IPP: variants seen among roughly 807,000 people sequenced by gnomAD.
The protein encoded by IPP is intracisternal A particle-promoted polypeptide, also known as actin-binding protein IPP.
IPP carries 41 observed loss-of-function variants against 64.1 expected under a neutral mutation model. The observed-to-expected ratio is 0.64, with a 90% CI of 0.50 to 0.83. The LOEUF (loss-of-function observed/expected upper bound fraction) is 0.83. Ranked by LOEUF, IPP falls within the 40% of genes least tolerant of loss-of-function variation. The pLI, the probability that IPP is intolerant of heterozygous loss-of-function variation, is 0.00. For synonymous variants in IPP, 214 were observed against 235.2 expected (o/e 0.91, Z 0.83); for missense variants, 649 against 703.0 (o/e 0.92, Z 0.87).
At chr1:45,695,052 T>C (rs1645374899), downstream of IPP, 1 of 152,398 alleles carries the variant, frequency 6.6e-6, no homozygotes, top group South Asian at 2.1e-4. Flanking sequence ...CATGCCCAAC[T>C]AATTTTTTGG....
intron 5 of IPP, among the ~76,000 whole-genome samples, chr1:45,720,069 A>ATATT (rs1054741146): frequency 1.3e-3 from 196 of 151,014 alleles, no homozygotes; most frequent in African/African-American, 4.4e-3. Context: ...CATGTTTTTG[A>ATATT]TATTTATTTA....
intron 5 of IPP, among the ~76,000 whole-genome samples, chr1:45,725,049 C>T (rs1235583499): frequency 3.0e-4 from 42 of 138,676 alleles, no homozygotes; most frequent in Non-Finnish European, 1.9e-4. Flanking sequence ...CCAGCCGCCC[C>T]GTCCGGGAGG....
rs78761596 is a variant in IPP, at chr1:45,738,426, G to A, written c.724+2475C>T. Among the ~76,000 whole-genome samples the A allele has an allele frequency of 3.0e-3, 461 of 152,102 alleles. 6 individuals are homozygous for A. The highest frequency in any genetic ancestry group is 0.022 in the South Asian group (106 of 4,818). The stretch of plus-strand genomic sequence containing the variant: ...CCTAAGTGCAAGAAAGCTATGAAGT[G>A]CCTTACAGAGAAAATACCTATGTTA... On this transcript the variant is annotated intron_variant, in intron 3 of 8. Transcript: ENST00000396478.
In IPP at chr1:45,727,730, C is replaced by G. The variant is rs1557752076; in HGVS notation, c.949G>C (p.Asp317His). The G allele has an allele frequency of 6.2e-7, 1 of 1,600,476 alleles. No individual in the cohort carries two copies. Among genetic ancestry groups the G allele is most frequent in the East Asian group, 2.2e-5 (1 of 44,666 alleles). The stretch of plus-strand genomic sequence containing the variant: ...GTGGTCCAGTACTGGCTAAAGGTGT[C>G]AAAACGTTCTACACAGCTGAGGGCT... ...SRALSCVERF[D>H]TFSQYWTTVS... The change falls in exon 5 of 9, where the codon GAC (aspartate) becomes CAC (histidine). Residue 317 changes from aspartate to histidine, a missense_variant. Transcript: ENST00000396478.
chr1:45,739,824 CTTTTT>C (rs552340899), intron 3 of IPP, among the ~76,000 whole-genome samples: 3 of 127,998 alleles, frequency 2.3e-5, no homozygotes, highest in East Asian at 4.7e-4. Flanking sequence ...AAGAGGAAAT[CTTTTT>C]TTTTTTTTTT....
intron 1 of IPP, among the ~76,000 whole-genome samples, chr1:45,748,077 T>C (rs1307974712): frequency 6.6e-6 from 1 of 152,012 alleles, no homozygotes; most frequent in South Asian, 2.1e-4. Context: ...AATTAACTTA[T>C]TGAGAAATTT....
rs919148308 is a variant in IPP at position 45,698,979 on chromosome 1, G to A, written c.*987C>T. 6.7e-6 allele frequency: 6 copies of A among 897,994 alleles called. No homozygotes were observed. The East Asian group carries it at 4.7e-4, about 71-fold the overall frequency. 55.6% of individuals were successfully genotyped at this position (897,994 alleles called of 1,614,324 possible). A position where few individuals can be genotyped will look rare whatever the true frequency, so the allele number is the denominator to read the frequency against. ...TCAAGCCATCTTCCCGTCTCACCTC[G>A]GCCTCTCAAAGTGCTGGGATTACAG... On this transcript the variant is annotated 3_prime_UTR_variant, in exon 9 of 9. Transcript: ENST00000396478.
rs1161075015 is a variant in IPP at position 45,732,368 on chromosome 1, A to AAAAAC, written c.725-2600_725-2599insGTTTT. Among the ~76,000 whole-genome samples, 358 of 150,892 alleles carry AAAAAC rather than the reference A, an allele frequency of 2.4e-3. 10 individuals are homozygous for AAAAAC. Among genetic ancestry groups the AAAAAC allele is most frequent in the East Asian group, 0.017 (87 of 5,124 alleles). ...AAGAGCGAGACTCCACCTCAAAAAA[A>AAAAAC]AAAAAAAAAAAACACAAAAAACAAT... On this transcript the variant is annotated intron_variant, in intron 3 of 8. Coordinates refer to ENST00000396478, the MANE Select transcript of IPP (RefSeq NM_005897.3).
Position 45,729,746 on chromosome 1 carries a change from C to T in IPP, c.748G>A (p.Val250Ile). The change falls in exon 4 of 9, where the codon GTT becomes ATT. Residue 250 changes from valine to isoleucine, a missense_variant. Coordinates refer to ENST00000396478, the MANE Select transcript of IPP (RefSeq NM_005897.3). ...IEGVSDFNLR[V>I]ALQTLLKEYC... Reference sequence around the variant, plus strand: ...TCTTTCAGAAGTGTTTGCAATGCAACACGAAGATTAAAATCGGATACTCCT... The same window carrying T: ...TCTTTCAGAAGTGTTTGCAATGCAATACGAAGATTAAAATCGGATACTCCT... The T allele has an allele frequency of 6.3e-7, 1 of 1,589,194 alleles. No individual in the cohort carries two copies.
chr1:45,727,588 G>A (rs56279927), intron 5 of IPP, 43 bp downstream of exon 5: 2 of 1,257,586 alleles, frequency 1.6e-6, no homozygotes, highest in South Asian at 3.8e-5. Flanking sequence ...TTAGAATATA[G>A]CCAACAAGAC....
chr1:45,718,322 A>G (rs1482780869), intron 6 of IPP, among the ~76,000 whole-genome samples: 1 of 152,200 alleles, frequency 6.6e-6, no homozygotes, highest in Non-Finnish European at 1.5e-5. Context: ...CCAGTAATAC[A>G]ATTTTGAGAA....
intron 3 of IPP, among the ~76,000 whole-genome samples, chr1:45,731,980 G>A (rs1159961708): frequency 6.6e-6 from 1 of 151,870 alleles, no homozygotes; most frequent in Non-Finnish European, 1.5e-5. Context: ...AAGAAGATAA[G>A]AGAGTGAAGA....
At chr1:45,704,532 G>A (rs910103164) in intron 8 of IPP, among the ~76,000 whole-genome samples, 8 of 152,048 alleles carry the variant, frequency 5.3e-5, no homozygotes, top group East Asian at 1.9e-4. Context: ...CACCGCGCCC[G>A]GCGGAAGCAA....
At chr1:45,719,775 G>A (rs1645707314) in intron 5 of IPP, among the ~76,000 whole-genome samples, 1 of 152,152 alleles carries the variant, frequency 6.6e-6, no homozygotes, top group South Asian at 2.1e-4. Flanking sequence ...GCCCAGGCTG[G>A]AGTGCAGTGG....
intron 1 of IPP, among the ~76,000 whole-genome samples, chr1:45,750,325 C>T (rs1443062332): frequency 6.6e-6 from 1 of 152,144 alleles, no homozygotes; most frequent in Non-Finnish European, 1.5e-5. Context: ...GGATCTCAGA[C>T]AAACGAGGCG....
intron 5 of IPP, among the ~76,000 whole-genome samples, chr1:45,719,567 T>G (rs1645704286): frequency 6.6e-6 from 1 of 152,218 alleles, no homozygotes; most frequent in Non-Finnish European, 1.5e-5. Flanking sequence ...TCCTATTATC[T>G]ATTTCTACCA....
intron 6 of IPP, 150 bp downstream of exon 6, chr1:45,719,053 T>C (rs1645697375): frequency 1.5e-6 from 1 of 663,732 alleles, no homozygotes; most frequent in Non-Finnish European, 2.6e-6. Context: ...AGGAGATGGA[T>C]ATCCCATTTT....
chr1:45,747,852 A>AC (rs1646160247), intron 1 of IPP, among the ~76,000 whole-genome samples: 1 of 149,566 alleles, frequency 6.7e-6, no homozygotes, highest in Non-Finnish European at 1.5e-5. Flanking sequence ...AAAAAAAAAA[A>AC]AAAAAAAAAA....
intron 7 of IPP, among the ~76,000 whole-genome samples, chr1:45,716,141 A>G (rs1645656140): frequency 6.6e-6 from 1 of 152,244 alleles, no homozygotes; most frequent in African/African-American, 2.4e-5. Flanking sequence ...AATATGCAAC[A>G]TAGAATCCTT....
Sources: allele counts gnomAD v4.1 joint callset (sites outside exome capture counted in the v4.1 genomes callset), GRCh38; gene constraint gnomAD v4.1.1; transcripts MANE v1.5; gene names NCBI Gene and HGNC (gene_info 2026-07-23, HGNC 2026-07-21).